CNTN1: variants seen among roughly 807,000 people sequenced by gnomAD.
The protein encoded by CNTN1 is contactin-1.
A neutral mutation model predicts 126.4 loss-of-function variants in CNTN1; 38 were observed. The ratio of observed to expected loss-of-function variants is 0.30; its 90% CI spans 0.23 to 0.39. CNTN1 has a LOEUF of 0.39. Among genes scored for constraint, CNTN1 ranks in the 10% least tolerant of loss-of-function variants. The pLI is 1.00. For synonymous variants in CNTN1, 413 were observed against 422.6 expected (o/e 0.98, Z 0.28); for missense variants, 1,009 against 1,248.4 (o/e 0.81, Z 2.89).
chr12:40,844,193 G>A (rs1985044), intron 1 of CNTN1, among the ~76,000 whole-genome samples: 60,787 of 150,510 alleles, frequency 0.4, 12,919 homozygotes, highest in East Asian at 0.7. Flanking sequence ...TCAGGCTCCC[G>A]AGTAGCTGGG....
At position 40,722,000 on chromosome 12, in the gene CNTN1, C is replaced by T. The variant is rs557827961; in HGVS notation, c.-77+29408C>T. Among the ~76,000 whole-genome samples the T allele has an allele frequency of 5.2e-3, 790 of 151,410 alleles. 5 individuals carry two copies. Among genetic ancestry groups the T allele is most frequent in the Non-Finnish European group, 7.0e-3 (473 of 67,870 alleles). ...AAGTCTTTGCTATTGTGAATAGTGC[C>T]GCAATAAACATACGTGTGCATGTGT... On this transcript the variant is annotated intron_variant, in intron 1 of 23. Coordinates refer to ENST00000551295, the MANE Select transcript of CNTN1 (RefSeq NM_001843.4).
chr12:41,063,643 A>G (rs1362636413), intron 23 of CNTN1, among the ~76,000 whole-genome samples: 1 of 152,224 alleles, frequency 6.6e-6, no homozygotes, highest in Admixed American at 6.5e-5. Context: ...TTCCTTGGCC[A>G]GAGTGATTGG....
intron 19 of CNTN1, 42 bp from the exon 20 acceptor site, chr12:41,020,295 T>C (rs202076718): frequency 7.9e-7 from 1 of 1,271,856 alleles, no homozygotes; most frequent in Non-Finnish European, 1.1e-6. Flanking sequence ...TTCTTAAATG[T>C]AAATATCTCA....
At chr12:41,069,901 T>C in intron 23 of CNTN1, 58 bp from the exon 24 acceptor site, 2 of 1,397,128 alleles carry the variant, frequency 1.4e-6, no homozygotes, top group Non-Finnish European at 2.0e-6. Context: ...GCAGACTAAA[T>C]GAGCAATAGT....
At chr12:40,827,538 A>G (rs894906790) in intron 1 of CNTN1, among the ~76,000 whole-genome samples, 1 of 152,158 alleles carries the variant, frequency 6.6e-6, no homozygotes, top group East Asian at 1.9e-4. Flanking sequence ...CGAAAAGCCA[A>G]TTCCTTATAT....
chr12:40,827,860 A>AT (rs1192269899), intron 1 of CNTN1, among the ~76,000 whole-genome samples: 1 of 152,156 alleles, frequency 6.6e-6, no homozygotes, highest in Non-Finnish European at 1.5e-5. Flanking sequence ...AGCATTGAAG[A>AT]TTTTAATGCA....
intron 1 of CNTN1, among the ~76,000 whole-genome samples, chr12:40,722,636 A>C (rs936191651): frequency 6.6e-5 from 10 of 152,122 alleles, no homozygotes; most frequent in Admixed American, 2.0e-4. Context: ...GCACGCACAC[A>C]CTATCCATGT....
chr12:40,837,758 G>A (rs1428268377), intron 1 of CNTN1, among the ~76,000 whole-genome samples: 1 of 152,094 alleles, frequency 6.6e-6, no homozygotes, highest in Non-Finnish European at 1.5e-5. Context: ...GGGCTGTAGC[G>A]GCCACTGCCA....
chr12:40,992,047 A>G (rs1413452982), intron 16 of CNTN1, among the ~76,000 whole-genome samples: 1 of 152,228 alleles, frequency 6.6e-6, no homozygotes, highest in African/African-American at 2.4e-5. Context: ...TCCTTAATGA[A>G]TCTTAATAAA....
At chr12:40,800,338 A>T (rs1051706010) in intron 1 of CNTN1, among the ~76,000 whole-genome samples, 4 of 151,926 alleles carry the variant, frequency 2.6e-5, no homozygotes, top group Non-Finnish European at 5.9e-5. Flanking sequence ...ACTGTGAGTC[A>T]ATTAAAATTT....
chr12:40,899,809 T>TG (rs1944544333), intron 1 of CNTN1, among the ~76,000 whole-genome samples: 1 of 152,210 alleles, frequency 6.6e-6, no homozygotes, highest in African/African-American at 2.4e-5. Context: ...GTGCTGTTAA[T>TG]GTAGGTGGCC....
chr12:40,753,579 T>C (rs1938486776), intron 1 of CNTN1, among the ~76,000 whole-genome samples: 1 of 152,004 alleles, frequency 6.6e-6, no homozygotes, highest in Non-Finnish European at 1.5e-5. Flanking sequence ...TATAAAACCA[T>C]GAGATCTCGT....
At position 40,744,467 on chromosome 12, in the gene CNTN1, G is replaced by A. The variant is rs574208545; in HGVS notation, c.-77+51875G>A. Reference sequence around the variant, plus strand: ...AGGTAGAGAAAGAAGTGAAATTTGCGCTGAGGTTTTCTAGCATGGTAGCAT... The same window carrying A: ...AGGTAGAGAAAGAAGTGAAATTTGCACTGAGGTTTTCTAGCATGGTAGCAT... On this transcript the variant is annotated intron_variant, in intron 1 of 23. Coordinates refer to ENST00000551295, the MANE Select transcript of CNTN1 (RefSeq NM_001843.4). 5.5e-4 allele frequency among the ~76,000 whole-genome samples: 84 copies of A among 152,082 alleles called. No homozygotes were observed. The South Asian group carries it at 8.9e-3, about 16-fold the overall frequency.
At chr12:40,770,678 T>C (rs1939302550) in intron 1 of CNTN1, among the ~76,000 whole-genome samples, 1 of 152,076 alleles carries the variant, frequency 6.6e-6, no homozygotes, top group Non-Finnish European at 1.5e-5. Context: ...AAGGAATACA[T>C]AAAGCTTAAC....
At chr12:40,813,058 T>TCTTTCTTTCTTTCTTTTCTTC (rs71078274) in intron 1 of CNTN1, among the ~76,000 whole-genome samples, 1 of 104,704 alleles carries the variant, frequency 9.6e-6, no homozygotes, top group East Asian at 2.6e-4. Flanking sequence ...TTTCTTTCTT[T>TCTTTCTTTCTTTCTTTTCTTC]CTTCCTTCCT....
At chr12:41,050,591 A>C (rs1949653347) in intron 23 of CNTN1, among the ~76,000 whole-genome samples, 1 of 152,194 alleles carries the variant, frequency 6.6e-6, no homozygotes, top group Non-Finnish European at 1.5e-5. Flanking sequence ...ATTACAGTTC[A>C]ATCTGAGACT....
intron 23 of CNTN1, among the ~76,000 whole-genome samples, chr12:41,035,887 C>T (rs940873905): frequency 5.3e-5 from 8 of 152,036 alleles, no homozygotes; most frequent in Admixed American, 3.3e-4. Context: ...ATCTAAAAGG[C>T]AATACTCAGA....
chr12:40,731,509 T>A (rs527802229), intron 1 of CNTN1, among the ~76,000 whole-genome samples: 5 of 152,016 alleles, frequency 3.3e-5, no homozygotes, highest in Non-Finnish European at 7.4e-5. Flanking sequence ...TTTAAAAATA[T>A]AAATTTCAAA....
At chr12:40,895,527 G>C (rs927777026) in intron 1 of CNTN1, among the ~76,000 whole-genome samples, 3 of 152,042 alleles carry the variant, frequency 2.0e-5, no homozygotes, top group Non-Finnish European at 4.4e-5. Context: ...GTGTGCTCGG[G>C]TGTTTGCTCA....
Sources: allele counts gnomAD v4.1 joint callset (sites outside exome capture counted in the v4.1 genomes callset), GRCh38; gene constraint gnomAD v4.1.1; transcripts MANE v1.5; gene names NCBI Gene and HGNC (gene_info 2026-07-23, HGNC 2026-07-21).